The following COL11A1 variants were observed in gnomAD, a reference collection of about 807,000 sequenced individuals.
COL11A1 encodes the protein collagen alpha-1(XI) chain.
In COL11A1, 74 loss-of-function variants were observed where a neutral mutation model predicts 265.2. The observed-to-expected ratio is 0.28, with a 90% CI of 0.23 to 0.34. COL11A1 has a LOEUF of 0.34. Ranked by LOEUF, COL11A1 falls within the 10% of genes least tolerant of loss-of-function variation. COL11A1 has a pLI of 1.00. For missense variants in COL11A1, 2,165 were observed against 2,263.6 expected, an observed-to-expected ratio of 0.96 and a Z score of 0.88; for synonymous variants, 816 against 727.6, an observed-to-expected ratio of 1.12 and a Z score of -1.96.
In COL11A1 at chr1:102,946,872, G is replaced by T. The variant is rs1352895098; in HGVS notation, c.3253C>A (p.Pro1085Thr). The change falls in exon 42 of 67, where the codon CCA (proline) becomes ACA (threonine). Residue 1085 changes from proline to threonine, a missense_variant. Transcript: ENST00000370096. ...GRPGPQGPPG[P>T]AGEKGAPGEK... ...ACAGGAGCACCTTTCTCTCCAGCTG[G>T]ACCAGGAGGACCCTGAGGTCCCGGG... 1.2e-6 allele frequency: 2 copies of T among 1,613,410 alleles called. No individual in the cohort carries two copies. The highest frequency in any genetic ancestry group is 1.7e-6 in the Non-Finnish European group (2 of 1,179,766).
intron 42 of COL11A1, among the ~76,000 whole-genome samples, chr1:102,943,405 C>T (rs1300797169): frequency 6.6e-6 from 1 of 151,408 alleles, no homozygotes; most frequent in East Asian, 1.9e-4. Context: ...TTGTTTATGT[C>T]TTGTTCTGTT....
intron 1 of COL11A1, 56 bp downstream of exon 1, chr1:103,108,017 C>T: frequency 7.9e-7 from 1 of 1,272,168 alleles, no homozygotes; most frequent in Non-Finnish European, 1.1e-6. Flanking sequence ...GGGAGGGGCG[C>T]AGAAGCAGTA....
intron 44 of COL11A1, among the ~76,000 whole-genome samples, chr1:102,935,733 G>T (rs780621354): frequency 1.3e-5 from 2 of 152,096 alleles, no homozygotes; most frequent in Non-Finnish European, 2.9e-5. Flanking sequence ...CAATATAAAA[G>T]GTTCAGGCAT....
At chr1:102,898,303 G>T (rs1163089624) in intron 56 of COL11A1, 125 bp from the exon 57 acceptor site, 1 of 384,622 alleles carries the variant, frequency 2.6e-6, no homozygotes, top group East Asian at 6.2e-5. Context: ...TCCACCATAT[G>T]GAGGACATCT....
At chr1:102,950,740 C>A (rs1204453412) in intron 41 of COL11A1, among the ~76,000 whole-genome samples, 1 of 152,098 alleles carries the variant, frequency 6.6e-6, no homozygotes, top group African/African-American at 2.4e-5. Flanking sequence ...TGACCCAGGT[C>A]AATAACCATC....
intron 54 of COL11A1, among the ~76,000 whole-genome samples, chr1:102,909,467 C>T (rs896418549): frequency 2.6e-5 from 4 of 152,062 alleles, no homozygotes; most frequent in African/African-American, 9.7e-5. Context: ...AAAAAGGATG[C>T]TTCATGTTCT....
At chr1:103,012,519 A>C (rs763354105) in intron 13 of COL11A1, 50 bp from the exon 14 acceptor site, 1 of 1,387,054 alleles carries the variant, frequency 7.2e-7, no homozygotes, top group East Asian at 2.3e-5. Flanking sequence ...GGAAGAGCAC[A>C]TTAAAGTACA....
rs561754620 is a variant in COL11A1 at position 102,982,018 on chromosome 1, C to T, written c.2556+2120G>A. ...ATCAGCTTACACATAGGAAAAAATA[C>T]GAAGCTATCTTTCATTTTGGATGTC... On this transcript the variant is annotated intron_variant, in intron 31 of 66. Coordinates refer to ENST00000370096, the MANE Select transcript of COL11A1 (RefSeq NM_001854.4). Among the ~76,000 whole-genome samples, 19 of 151,832 alleles carry T rather than the reference C, an allele frequency of 1.3e-4. No individual in the cohort carries two copies. The East Asian group carries it at 3.1e-3, about 25-fold the overall frequency.
At chr1:103,028,965 C>A (rs1458668367) in intron 5 of COL11A1, among the ~76,000 whole-genome samples, 3 of 151,928 alleles carry the variant, frequency 2.0e-5, no homozygotes, top group Non-Finnish European at 2.9e-5. Flanking sequence ...ATTAGCTTGT[C>A]ACCTATTTAA....
At chr1:103,012,101 G>A (rs932330287) in intron 14 of COL11A1, among the ~76,000 whole-genome samples, 4 of 152,102 alleles carry the variant, frequency 2.6e-5, no homozygotes, top group African/African-American at 9.7e-5. Context: ...AGGATTTAAT[G>A]TAAAACATAA....
At chr1:103,061,015 A>T (rs1404024216) in intron 4 of COL11A1, among the ~76,000 whole-genome samples, 1 of 152,172 alleles carries the variant, frequency 6.6e-6, no homozygotes, top group Non-Finnish European at 1.5e-5. Flanking sequence ...TCTACAAGAG[A>T]CACACTTTAA....
rs373734529 is a variant in COL11A1 at position 102,946,895 on chromosome 1, G to A, written c.3230C>T (p.Pro1077Leu). 1.2e-5 allele frequency: 20 copies of A among 1,613,436 alleles called. No homozygotes were observed. The highest frequency in any genetic ancestry group is 2.2e-5 in the East Asian group (1 of 44,876). The part of the protein sequence containing the change: ...TAGPIGLPGR[P>L]GPQGPPGPAG... ...TGGACCAGGAGGACCCTGAGGTCCC[G>A]GGCGCCCTGGTAAACCAATTGGGCC... The change falls in exon 42 of 67, where the codon CCG (proline) becomes CTG (leucine). Residue 1077 changes from proline to leucine, a missense_variant. Transcript: ENST00000370096.
At chr1:103,005,229 C>T (rs574651234) in intron 18 of COL11A1, among the ~76,000 whole-genome samples, 2 of 151,900 alleles carry the variant, frequency 1.3e-5, no homozygotes, top group East Asian at 3.9e-4. Context: ...TTATCTTATT[C>T]TCATTATTAA....
At chr1:103,102,050 A>G (rs972473988) in intron 1 of COL11A1, among the ~76,000 whole-genome samples, 1 of 152,068 alleles carries the variant, frequency 6.6e-6, no homozygotes, top group Non-Finnish European at 1.5e-5. Context: ...GATATTACTC[A>G]CTAAATCACT....
chr1:102,888,523 G>T, intron 62 of COL11A1, 54 bp downstream of exon 62: 1 of 1,509,618 alleles, frequency 6.6e-7, no homozygotes, highest in African/African-American at 1.4e-5. Context: ...AGAAATCATT[G>T]GCAGCTTCCA....
intron 31 of COL11A1, among the ~76,000 whole-genome samples, chr1:102,983,806 T>A (rs150296583): frequency 6.6e-6 from 1 of 151,912 alleles, no homozygotes; most frequent in Non-Finnish European, 1.5e-5. Flanking sequence ...ACCCTTAGGA[T>A]AATAGAAAGG....
Position 102,914,783 on chromosome 1 carries a change from C to G in COL11A1, c.3845G>C (p.Gly1282Ala), listed in dbSNP as rs759044451. 1 of 1,611,918 alleles carries G rather than the reference C, an allele frequency of 6.2e-7. No homozygotes were observed. Among genetic ancestry groups the G allele is most frequent in the East Asian group, 2.2e-5 (1 of 44,730 alleles). Residue 1282 changes from glycine (G) to alanine (A), a missense_variant, in exon 51 of 67, where the codon GGG (glycine) becomes GCG (alanine). Physicochemically the swap from Gly to Ala is moderately conservative, Grantham distance 60. Transcript: ENST00000370096. ...AGCAGCTCCAGGTGGACCAGCTTCC[C>G]CTTTCTCTCCTCTTTCTCCTTTGGG... Reference protein sequence around the residue: ...GGPKGERGEKGEAGPPGAAGP... With the variant: ...GGPKGERGEKAEAGPPGAAGP...
chr1:103,057,856 G>C (rs987066717), intron 4 of COL11A1, among the ~76,000 whole-genome samples: 14 of 152,118 alleles, frequency 9.2e-5, no homozygotes, highest in African/African-American at 3.4e-4. Context: ...AGTACAGCAG[G>C]ATTGATTTAG....
rs1441386657 is a variant in COL11A1, at chr1:102,930,249, A to G, written c.3600+4200T>C. ...GGGTTTGTCATAGATAGCTCTTATTATTTTGAAATACGTCCCATCAATACC... is the reference window on the plus strand; with the variant it reads ...GGGTTTGTCATAGATAGCTCTTATTGTTTTGAAATACGTCCCATCAATACC... On this transcript the variant is annotated intron_variant, in intron 46 of 66. Transcript: ENST00000370096. Among the ~76,000 whole-genome samples the G allele has an allele frequency of 3.3e-5, 5 of 151,700 alleles. No homozygotes were observed. In the East Asian group the frequency reaches 9.7e-4, roughly 29 times the overall value.
Sources: allele counts gnomAD v4.1 joint callset (sites outside exome capture counted in the v4.1 genomes callset), GRCh38; gene constraint gnomAD v4.1.1; transcripts MANE v1.5; gene names NCBI Gene and HGNC (gene_info 2026-07-23, HGNC 2026-07-21).